TMEM132B: variants seen among roughly 807,000 people sequenced by gnomAD.
TMEM132B encodes transmembrane protein 132B.
In TMEM132B, 18 loss-of-function variants were observed where a neutral mutation model predicts 90.8. The ratio of observed to expected loss-of-function variants is 0.20; its 90% CI spans 0.14 to 0.29. TMEM132B has a LOEUF of 0.29. Among genes scored for constraint, TMEM132B ranks in the 10% least tolerant of loss-of-function variants. TMEM132B has a pLI of 1.00. For missense variants in TMEM132B, 1,096 were observed against 1,326.8 expected, an observed-to-expected ratio of 0.83 and a Z score of 2.70; for synonymous variants, 504 against 523.3, an observed-to-expected ratio of 0.96 and a Z score of 0.50.
intron 6 of TMEM132B, among the ~76,000 whole-genome samples, chr12:125,649,450 C>T (rs1231652750): frequency 1.3e-5 from 2 of 152,348 alleles, no homozygotes; most frequent in South Asian, 4.1e-4. Context: ...GGGAGACAAC[C>T]AGCTGTGTGG....
intron 1 of TMEM132B, among the ~76,000 whole-genome samples, chr12:125,331,392 G>A (rs1162357121): frequency 6.6e-6 from 1 of 152,242 alleles, no homozygotes; most frequent in Non-Finnish European, 1.5e-5. Flanking sequence ...GGTCCACGGC[G>A]AAGCCCTGGG....
intron 1 of TMEM132B, among the ~76,000 whole-genome samples, chr12:125,336,093 C>T (rs903811535): frequency 7.2e-5 from 11 of 152,196 alleles, no homozygotes; most frequent in African/African-American, 2.4e-4. Context: ...GGTCAGGACA[C>T]AGAAGAGCTC....
At chr12:125,562,120 T>C (rs1884547498) in intron 4 of TMEM132B, among the ~76,000 whole-genome samples, 1 of 152,246 alleles carries the variant, frequency 6.6e-6, no homozygotes, top group African/African-American at 2.4e-5. Context: ...CACCACTCAC[T>C]GCTTCACCTT....
intron 2 of TMEM132B, among the ~76,000 whole-genome samples, chr12:125,390,220 C>G (rs1878969332): frequency 6.6e-6 from 1 of 152,216 alleles, no homozygotes; most frequent in Non-Finnish European, 1.5e-5. Flanking sequence ...ATAAAGGCCC[C>G]AAACTGGAAC....
Position 125,376,833 on chromosome 12 carries a change from C to T in TMEM132B, c.959+26490C>T, listed in dbSNP as rs1878506352. On this transcript the variant is annotated intron_variant, in intron 2 of 8. Coordinates refer to ENST00000682704, the MANE Select transcript of TMEM132B (RefSeq NM_001366854.1). ...ACTTTGGCACCTGAGCCAGTGCCCC[C>T]AGGCACATCACAGTGATCTGAAAGC... is the stretch of plus-strand genomic sequence containing the variant. Among the ~76,000 whole-genome samples, 2 of 152,218 alleles carry T rather than the reference C, an allele frequency of 1.3e-5. 1 individual carries two copies. Among genetic ancestry groups the T allele is most frequent in the Admixed American group, 1.3e-4 (2 of 15,290 alleles).
In TMEM132B at chr12:125,376,897, G is replaced by T. The variant is rs565880711; in HGVS notation, c.959+26554G>T. ...ATAAATGCCTGCTCCAGTGTGGGGA[G>T]CAGGGAAGAAAACTGTGACTGGCCT... On this transcript the variant is annotated intron_variant, in intron 2 of 8. Coordinates refer to ENST00000682704, the MANE Select transcript of TMEM132B (RefSeq NM_001366854.1). 5.3e-5 allele frequency among the ~76,000 whole-genome samples: 8 copies of T among 152,338 alleles called. 1 individual carries two copies. The South Asian group carries it at 1.7e-3, about 32-fold the overall frequency.
chr12:125,298,388 C>CATCG (rs1485451419), intron 1 of TMEM132B, among the ~76,000 whole-genome samples: 1 of 121,986 alleles, frequency 8.2e-6, no homozygotes, highest in South Asian at 2.8e-4. Flanking sequence ...AAGAGTGTTA[C>CATCG]ATCGGCAGGG....
rs779143562 is a variant in TMEM132B, at chr12:125,652,588, G to T, written c.2062G>T (p.Val688Phe). 3 of 1,613,712 alleles carry T rather than the reference G, an allele frequency of 1.9e-6. No homozygotes were observed. Among genetic ancestry groups the T allele is most frequent in the Non-Finnish European group, 2.5e-6 (3 of 1,179,746 alleles). The change falls in exon 8 of 9, where the codon GTC (valine) becomes TTC (phenylalanine). Residue 688 changes from valine to phenylalanine, a missense_variant. Val to Phe is a conservative substitution (Grantham distance 50). Coordinates refer to ENST00000682704, the MANE Select transcript of TMEM132B (RefSeq NM_001366854.1). ...QPHRADKRAIVSTAAALDVLQ... is the reference protein window; with the variant it reads ...QPHRADKRAIFSTAAALDVLQ... ...ACACCGAGCAGACAAAAGGGCCATC[G>T]TCTCCACAGCTGCTGCCCTGGATGT...
intron 4 of TMEM132B, among the ~76,000 whole-genome samples, chr12:125,558,475 G>C (rs1055874879): frequency 6.6e-6 from 1 of 152,190 alleles, no homozygotes; most frequent in Non-Finnish European, 1.5e-5. Context: ...TCTGTGGCTA[G>C]TCTGAATTCA....
In TMEM132B at chr12:125,492,314, C is replaced by A. The variant is rs148704527; in HGVS notation, c.1107-27125C>A. On this transcript the variant is annotated intron_variant, in intron 3 of 8. Transcript: ENST00000682704. The surrounding 1 kb of genome is among the most constrained non-coding windows in gnomAD (Gnocchi z 5.8). The stretch of plus-strand genomic sequence containing the variant: ...GTGACTGCTGCTCACCATTCCTTAG[C>A]GGGCTCTCGCGTGTCCTCCAAACAC... 2.0e-5 allele frequency among the ~76,000 whole-genome samples: 3 copies of A among 152,258 alleles called. No homozygotes were observed. The highest frequency in any genetic ancestry group is 7.2e-5 in the African/African-American group (3 of 41,470).
intron 1 of TMEM132B, among the ~76,000 whole-genome samples, chr12:125,231,296 C>A (rs1217904882): frequency 6.6e-6 from 1 of 152,074 alleles, no homozygotes; most frequent in Non-Finnish European, 1.5e-5. Flanking sequence ...TTAAGGCCCA[C>A]CCCAATGCAG....
intron 3 of TMEM132B, among the ~76,000 whole-genome samples, chr12:125,487,580 C>T (rs1181342261): frequency 6.6e-6 from 1 of 151,988 alleles, no homozygotes; most frequent in Non-Finnish European, 1.5e-5. Flanking sequence ...CCATGGAAAC[C>T]CTGGAAGATC....
At chr12:125,594,768 G>A (rs1885398214) in intron 5 of TMEM132B, among the ~76,000 whole-genome samples, 1 of 152,104 alleles carries the variant, frequency 6.6e-6, no homozygotes, top group Admixed American at 6.5e-5. Flanking sequence ...CTGGATACAA[G>A]TTCATTATCC....
intron 1 of TMEM132B, among the ~76,000 whole-genome samples, chr12:125,212,413 C>T (rs1309279652): frequency 1.3e-5 from 2 of 152,112 alleles, no homozygotes; most frequent in East Asian, 3.9e-4. Context: ...CTGGGCTTGG[C>T]CGGGCGTGGT....
Position 125,260,401 on chromosome 12 carries a change from G to A in TMEM132B, c.67+73535G>A, listed in dbSNP as rs146293929. ...TTTTTTAGAGATAGAGTCTTGCTGTGTCAACCATGGTGCGATCATAGCTTA... is the reference window on the plus strand; with the variant it reads ...TTTTTTAGAGATAGAGTCTTGCTGTATCAACCATGGTGCGATCATAGCTTA... On this transcript the variant is annotated intron_variant, in intron 1 of 8. Transcript: ENST00000682704. Among the ~76,000 whole-genome samples the A allele has an allele frequency of 1.5e-3, 233 of 152,008 alleles. No homozygotes were observed. In the East Asian group the frequency reaches 0.04, roughly 26 times the overall value.
At position 125,243,151 on chromosome 12, in the gene TMEM132B, A is replaced by AT. The variant is rs200302900; in HGVS notation, c.67+56285_67+56286insT. Among the ~76,000 whole-genome samples, 1,184 of 130,366 alleles carry AT rather than the reference A, an allele frequency of 9.1e-3. 34 individuals carry two copies. Among genetic ancestry groups the AT allele is most frequent in the Admixed American group, 0.063 (790 of 12,554 alleles). The allele number at this position is 130,366 out of a possible 152,430, so 85.5% of individuals were successfully genotyped here. A position where few individuals can be genotyped will look rare whatever the true frequency, so the allele number is the denominator to read the frequency against. On this transcript the variant is annotated intron_variant, in intron 1 of 8. Coordinates refer to ENST00000682704, the MANE Select transcript of TMEM132B (RefSeq NM_001366854.1). ...CACACACACACATATATATATATAT[A>AT]ATTTTTTTTTTTATTGGAATCTCAC... is the stretch of plus-strand genomic sequence containing the variant.
chr12:125,505,189 A>AAAAC (rs1882813386), intron 3 of TMEM132B, among the ~76,000 whole-genome samples: 1 of 145,548 alleles, frequency 6.9e-6, no homozygotes, highest in Non-Finnish European at 1.5e-5. Flanking sequence ...AAAAAAAAAA[A>AAAAC]AAAAAACAGT....
At chr12:125,653,527 C>A (rs1223034686) in intron 8 of TMEM132B, 38 bp from the exon 9 acceptor site, 16 of 1,548,418 alleles carry the variant, frequency 1.0e-5, no homozygotes, top group Non-Finnish European at 1.4e-5. Flanking sequence ...GTGAAGGAAT[C>A]TGATTATAAC....
intron 1 of TMEM132B, among the ~76,000 whole-genome samples, chr12:125,242,027 A>G (rs945058407): frequency 2.0e-5 from 3 of 152,220 alleles, no homozygotes; most frequent in Admixed American, 1.3e-4. Context: ...TTGTGAATGA[A>G]TAGAATAACA....
Sources: allele counts gnomAD v4.1 joint callset (sites outside exome capture counted in the v4.1 genomes callset), GRCh38; gene constraint gnomAD v4.1.1; non-coding constraint Gnocchi (gnomAD v3.1); transcripts MANE v1.5; gene names NCBI Gene and HGNC (gene_info 2026-07-23, HGNC 2026-07-21).